The following SLC4A2 variants were observed in gnomAD, a reference collection of about 807,000 sequenced individuals.
SLC4A2 encodes the protein solute carrier family 4 member 2.
SLC4A2 carries 36 observed loss-of-function variants against 115.0 expected under a neutral mutation model. The observed-to-expected ratio is 0.31, with a 90% CI of 0.24 to 0.41. SLC4A2 has a LOEUF of 0.41. Among genes scored for constraint, SLC4A2 ranks in the 10% least tolerant of loss-of-function variants. The pLI is 1.00. For synonymous variants in SLC4A2, 708 were observed against 708.3 expected (o/e 1.00, Z 0.01); for missense variants, 1,252 against 1,705.6 (o/e 0.73, Z 4.68).
At position 151,076,297 on chromosome 7, in the gene SLC4A2, A is replaced by G. The variant is rs780030402; in HGVS notation, c.3656A>G (p.Asn1219Ser). The stretch of plus-strand genomic sequence containing the variant: ...CCTCCCCACACACAGCTGGATGCTA[A>G]CGAGGCAGAGCCGGTGTTTGATGAG... ...TDREMKCLDA[N>S]EAEPVFDERE... is the part of the protein sequence containing the mutation. Residue 1219 changes from asparagine to serine, a missense_variant, in exon 23 of 23, where the codon AAC (asparagine) becomes AGC (serine). Transcript: ENST00000413384. 6.4e-6 allele frequency: 10 copies of G among 1,558,302 alleles called. No individual in the cohort carries two copies. The South Asian group carries it at 1.1e-4, about 17-fold the overall frequency.
At chr7:151,069,629 G>A (rs775126233) in intron 8 of SLC4A2, among the ~76,000 whole-genome samples, 15 of 152,142 alleles carry the variant, frequency 9.9e-5, no homozygotes, top group East Asian at 1.9e-4. Context: ...GGCCTGGACC[G>A]TCCCCATGGA....
intron 5 of SLC4A2, 57 bp from the exon 6 acceptor site, chr7:151,066,460 C>G: frequency 1.4e-6 from 2 of 1,451,776 alleles, no homozygotes; most frequent in Non-Finnish European, 1.8e-6. Context: ...TGCGTGGGTG[C>G]TGGGCGTGGG....
chr7:151,066,694 G>A lies in SLC4A2; in HGVS notation c.756G>A (p.Leu252=). The A allele has an allele frequency of 1.9e-6, 3 of 1,551,820 alleles. No individual in the cohort carries two copies. The highest frequency in any genetic ancestry group is 2.6e-6 in the Non-Finnish European group (3 of 1,147,536). The change falls in exon 6 of 23, where the codon CTG becomes CTA. Residue 252 remains leucine (L), a synonymous_variant. Coordinates refer to ENST00000413384, the MANE Select transcript of SLC4A2 (RefSeq NM_003040.4). The stretch of plus-strand genomic sequence containing the variant: ...TGACTGGGGCTGAGCAGGCACTGCT[G>A]CCCCGGGTCCCCACGGATGAGATTG... The part of the protein sequence containing the change: ...GSMTGAEQAL[L]PRVPTDEIEA...
Position 151,071,441 on chromosome 7 carries a change from G to A in SLC4A2, c.2027G>A (p.Arg676Gln), listed in dbSNP as rs768181182. 64 of 1,606,194 alleles carry A rather than the reference G, an allele frequency of 4.0e-5. No individual in the cohort carries two copies. Among genetic ancestry groups the A allele is most frequent in the Middle Eastern group, 1.6e-4 (1 of 6,070 alleles). The change falls in exon 14 of 23, where the codon CGG becomes CAG. Residue 676 changes from arginine to glutamine, a missense_variant. This residue lies in a region of SLC4A2 where 122 missense variants were observed against 116.8 expected (regional missense o/e 1.04). Coordinates refer to ENST00000413384, the MANE Select transcript of SLC4A2 (RefSeq NM_003040.4). This position sits in a 1 kb window ranked among gnomAD's most constrained non-coding sequence, Gnocchi z 5.5. ...AAGAAEDDPL[R>Q]RTGRPFGGLI... ...GGGGCAGCTGAAGATGATCCCCTTC[G>A]GCGGACGGGGCGGCCCTTTGGGGGG...
intron 7 of SLC4A2, 107 bp from the exon 8 acceptor site, chr7:151,067,767 T>C: frequency 1.1e-6 from 1 of 893,534 alleles, no homozygotes; most frequent in Non-Finnish European, 1.7e-6. Context: ...ACTGTGCTCG[T>C]GCTCTCCAGG....
At chr7:151,068,124 G>T in intron 8 of SLC4A2, 70 bp downstream of exon 8, 1 of 1,225,658 alleles carries the variant, frequency 8.2e-7, no homozygotes, top group Non-Finnish European at 1.1e-6. Context: ...CCCCAAATCT[G>T]TCTTGAGCCC....
At chr7:151,073,289 T>TTATTG (rs59101471) in intron 16 of SLC4A2, among the ~76,000 whole-genome samples, 117 of 141,022 alleles carry the variant, frequency 8.3e-4, no homozygotes, top group African/African-American at 2.6e-3. Context: ...TTATTTTATT[T>TTATTG]GTTTATTTGT....
chr7:151,074,879 G>A (rs1797563080), intron 19 of SLC4A2, 38 bp downstream of exon 19: 1 of 1,548,064 alleles, frequency 6.5e-7, no homozygotes, highest in Non-Finnish European at 8.7e-7. Flanking sequence ...AGAGGCCAGA[G>A]CCCCAGGCCA....
At chr7:151,065,010 C>A in intron 5 of SLC4A2, 44 bp downstream of exon 5, 1 of 1,281,360 alleles carries the variant, frequency 7.8e-7, no homozygotes, top group Non-Finnish European at 1.1e-6. Context: ...GACACTTCCC[C>A]TGCTAGGATA....
chr7:151,070,453 C>G lies in SLC4A2; in HGVS notation c.1450-4C>G, dbSNP rs2303934. The G allele has an allele frequency of 1.6e-5, 25 of 1,611,414 alleles. No homozygotes were observed. Among genetic ancestry groups the G allele is most frequent in the Non-Finnish European group, 1.9e-5 (22 of 1,178,966 alleles). ...CTGGGCTGAGCCCTGTCTGTGTCCC[C>G]CAGCGTGAGCTGCCGCCTCCAGCAC... On this transcript the variant is annotated splice_polypyrimidine_tract_variant and splice_region_variant and intron_variant, in intron 10 of 22. Transcript: ENST00000413384.
At chr7:151,058,716 G>A (rs1301999869), upstream of SLC4A2, 2 of 152,294 alleles carry the variant, frequency 1.3e-5, no homozygotes, top group African/African-American at 4.8e-5. Flanking sequence ...AGGCAGGTTG[G>A]TTAACCCCCT....
In SLC4A2 at chr7:151,070,442, G is replaced by A. The variant is rs767723535; in HGVS notation, c.1450-15G>A. ...GAGGGGCCTGGCTGGGCTGAGCCCT[G>A]TCTGTGTCCCCCAGCGTGAGCTGCC... On this transcript the variant is annotated splice_polypyrimidine_tract_variant and intron_variant, in intron 10 of 22. Transcript: ENST00000413384. 2.5e-6 allele frequency: 4 copies of A among 1,611,516 alleles called. No individual in the cohort carries two copies. Among genetic ancestry groups the A allele is most frequent in the Admixed American group, 3.3e-5 (2 of 59,704 alleles).
intron 5 of SLC4A2, among the ~76,000 whole-genome samples, chr7:151,066,291 G>T (rs1324885165): frequency 6.6e-6 from 1 of 152,250 alleles, no homozygotes; most frequent in Non-Finnish European, 1.5e-5. Flanking sequence ...GGGCCTCGGG[G>T]TGACCGTTTG....
chr7:151,071,393 T>A lies in SLC4A2; in HGVS notation c.1979T>A (p.Leu660His), dbSNP rs1234500187. The change falls in exon 14 of 23, where the codon CTC (leucine) becomes CAC (histidine). Residue 660 changes from leucine (L) to histidine (H), a missense_variant. Leu to His is a moderately conservative substitution (Grantham distance 99, BLOSUM62 -3). This residue lies in a region of SLC4A2 where 122 missense variants were observed against 116.8 expected (regional missense o/e 1.04). Coordinates refer to ENST00000413384, the MANE Select transcript of SLC4A2 (RefSeq NM_003040.4). The surrounding 1 kb of genome is among the most constrained non-coding windows in gnomAD (Gnocchi z 5.5). The stretch of plus-strand genomic sequence containing the variant: ...CTGACGGAGGCCTGGGTTGCAGCGC[T>A]CCTGCAGATGGTAGAGGCGGCAGGG... ...LEPKSAQDKA[L>H]LQMVEAAGAA... The A allele has an allele frequency of 5.0e-6, 8 of 1,593,558 alleles. No individual in the cohort carries two copies. The South Asian group carries it at 7.8e-5, about 16-fold the overall frequency.
chr7:151,062,604 C>A (rs1224113986), intron 2 of SLC4A2: 9 of 1,502,490 alleles, frequency 6.0e-6, no homozygotes, highest in Non-Finnish European at 6.2e-6. Context: ...CAGGCTGGTC[C>A]CCTCCCCCTC....
At chr7:151,065,393 C>T (rs959369526) in intron 5 of SLC4A2, among the ~76,000 whole-genome samples, 1 of 152,146 alleles carries the variant, frequency 6.6e-6, no homozygotes, top group Non-Finnish European at 1.5e-5. Flanking sequence ...AAAGGAGACC[C>T]CCTCTCCTTG....
chr7:151,066,489 C>G (rs557986200), intron 5 of SLC4A2, 28 bp from the exon 6 acceptor site: 2 of 1,468,290 alleles, frequency 1.4e-6, no homozygotes, highest in Admixed American at 5.1e-5. Flanking sequence ...CCAGGTTTCT[C>G]GGGCTCACGG....
intron 1 of SLC4A2, chr7:151,061,068 A>G (rs1797028189): frequency 6.6e-6 from 1 of 151,648 alleles, no homozygotes; most frequent in African/African-American, 2.4e-5. Context: ...GACTCCCTAC[A>G]GTCACAGTCA....
intron 16 of SLC4A2, among the ~76,000 whole-genome samples, chr7:151,073,194 C>T (rs1056993515): frequency 1.3e-4 from 20 of 152,230 alleles, no homozygotes; most frequent in Admixed American, 1.2e-3. Context: ...AGCAATCCTC[C>T]TGCCTTGACC....
Sources: allele counts gnomAD v4.1 joint callset (sites outside exome capture counted in the v4.1 genomes callset), GRCh38; gene constraint gnomAD v4.1.1; regional missense constraint gnomAD v4.1.1; non-coding constraint Gnocchi (gnomAD v3.1); transcripts MANE v1.5; gene names NCBI Gene and HGNC (gene_info 2026-07-23, HGNC 2026-07-21).